The following RALA variants were observed in gnomAD, a reference collection of about 807,000 sequenced individuals.
RALA encodes ras-related protein Ral-A.
A neutral mutation model predicts 24.0 loss-of-function variants in RALA; 5 were observed. The observed-to-expected ratio is 0.21, with a 90% CI of 0.11 to 0.44. The LOEUF is 0.44. RALA is among the 20% of genes least tolerant of loss of function. The probability of loss-of-function intolerance (pLI) is 0.99; values close to 1 mark genes in which losing one functional copy is unlikely to be tolerated. For synonymous variants in RALA, 77 were observed against 83.8 expected, an observed-to-expected ratio of 0.92 and a Z score of 0.44; for missense variants, 95 against 241.2, an observed-to-expected ratio of 0.39 and a Z score of 4.01.
intron 1 of RALA, among the ~76,000 whole-genome samples, chr7:39,647,618 G>T (rs186086132): frequency 3.0e-4 from 46 of 152,112 alleles, no homozygotes; most frequent in Non-Finnish European, 5.4e-4. Flanking sequence ...ATCCTAGACC[G>T]CAAGGTGATG....
chr7:39,640,524 T>C (rs570133942), intron 1 of RALA, among the ~76,000 whole-genome samples: 1 of 152,334 alleles, frequency 6.6e-6, no homozygotes, highest in East Asian at 1.9e-4. Context: ...AGTTTGTTTA[T>C]TACAGATACA....
intron 2 of RALA, among the ~76,000 whole-genome samples, chr7:39,688,374 A>G (rs902452877): frequency 6.8e-6 from 1 of 146,946 alleles, no homozygotes. Context: ...AGCCTACACA[A>G]CAGAGCAAGA....
At chr7:39,663,447 T>C (rs574058967) in intron 1 of RALA, among the ~76,000 whole-genome samples, 1 of 152,162 alleles carries the variant, frequency 6.6e-6, no homozygotes, top group Non-Finnish European at 1.5e-5. Flanking sequence ...CTGTAAACTT[T>C]AAATAACACT....
At chr7:39,645,513 T>G (rs1791910432) in intron 1 of RALA, among the ~76,000 whole-genome samples, 1 of 152,228 alleles carries the variant, frequency 6.6e-6, no homozygotes, top group Admixed American at 6.5e-5. Context: ...TTATAGTTTG[T>G]TTTTCCTTTA....
intron 1 of RALA, among the ~76,000 whole-genome samples, chr7:39,646,458 CA>C (rs1004007576): frequency 6.6e-6 from 1 of 152,154 alleles, no homozygotes; most frequent in South Asian, 2.1e-4. Flanking sequence ...CCCATTTATA[CA>C]AAAAATTTTT....
chr7:39,657,695 G>A (rs1297457270), intron 1 of RALA, among the ~76,000 whole-genome samples: 1 of 152,080 alleles, frequency 6.6e-6, no homozygotes, highest in Non-Finnish European at 1.5e-5. Flanking sequence ...GCTGGGGCAG[G>A]AGGATTGCTT....
intron 1 of RALA, among the ~76,000 whole-genome samples, chr7:39,633,666 G>A (rs554342124): frequency 3.3e-5 from 5 of 152,222 alleles, no homozygotes; most frequent in Admixed American, 3.3e-4. Flanking sequence ...TTTATCCACT[G>A]GGGGGTAATC....
intron 3 of RALA, among the ~76,000 whole-genome samples, chr7:39,693,028 A>G (rs6968684): frequency 0.31 from 47,462 of 152,086 alleles, 8,202 homozygotes; most frequent in Non-Finnish European, 0.4. Context: ...TCAAGGATCT[A>G]GAATAGAAAT....
chr7:39,634,215 G>T (rs1162632601), intron 1 of RALA, among the ~76,000 whole-genome samples: 1 of 152,082 alleles, frequency 6.6e-6, no homozygotes, highest in Non-Finnish European at 1.5e-5. Flanking sequence ...TTGTCCCTAG[G>T]TTGAGGAGCC....
intron 4 of RALA, among the ~76,000 whole-genome samples, chr7:39,703,865 A>G (rs1301679552): frequency 6.6e-6 from 1 of 152,228 alleles, no homozygotes; most frequent in Non-Finnish European, 1.5e-5. Flanking sequence ...TGTCACAAAC[A>G]AACTACAAAA....
intron 1 of RALA, among the ~76,000 whole-genome samples, chr7:39,674,457 G>A (rs1431017974): frequency 6.6e-6 from 1 of 152,046 alleles, no homozygotes; most frequent in Non-Finnish European, 1.5e-5. Flanking sequence ...TTCTTTTAAT[G>A]TGCTAGATTC....
chr7:39,678,780 T>A (rs138502135), intron 1 of RALA, among the ~76,000 whole-genome samples: 46 of 152,362 alleles, frequency 3.0e-4, no homozygotes, highest in African/African-American at 1.1e-3. Flanking sequence ...CATAGTTAAT[T>A]GCAGTTTTGC....
chr7:39,639,828 T>C (rs1274745344), intron 1 of RALA, among the ~76,000 whole-genome samples: 1 of 152,056 alleles, frequency 6.6e-6, no homozygotes, highest in Non-Finnish European at 1.5e-5. Context: ...CAGGATGCCC[T>C]CATGCACACA....
intron 1 of RALA, among the ~76,000 whole-genome samples, chr7:39,659,471 T>C (rs1792148967): frequency 6.6e-6 from 1 of 152,172 alleles, no homozygotes. Context: ...ACTTTTCAGA[T>C]ACACTTTTAT....
intron 1 of RALA, among the ~76,000 whole-genome samples, chr7:39,635,892 G>A (rs920810661): frequency 6.6e-6 from 1 of 152,176 alleles, no homozygotes; most frequent in African/African-American, 2.4e-5. Context: ...TGGCCCAGGG[G>A]TTGGGGAGCC....
chr7:39,696,879 T>G lies in RALA; in HGVS notation c.498+20T>G. On this transcript the variant is annotated intron_variant, in intron 4 of 4. Coordinates refer to ENST00000005257, the MANE Select transcript of RALA (RefSeq NM_005402.4). ...GACAAGGTAACACGTGACTCTTTACTACTGCATCATGTTAAAATAGGTTGG... is the reference window on the plus strand; with the variant it reads ...GACAAGGTAACACGTGACTCTTTACGACTGCATCATGTTAAAATAGGTTGG... 1 of 1,591,426 alleles carries G rather than the reference T, an allele frequency of 6.3e-7. No individual in the cohort carries two copies. The highest frequency in any genetic ancestry group is 8.5e-7 in the Non-Finnish European group (1 of 1,170,378).
At chr7:39,694,427 G>A (rs1792881840) in intron 3 of RALA, among the ~76,000 whole-genome samples, 1 of 152,160 alleles carries the variant, frequency 6.6e-6, no homozygotes, top group South Asian at 2.1e-4. Flanking sequence ...CAAGTTCATT[G>A]TGTGCTCTGG....
At chr7:39,642,619 T>G (rs187425604) in intron 1 of RALA, among the ~76,000 whole-genome samples, 1 of 152,332 alleles carries the variant, frequency 6.6e-6, no homozygotes, top group Admixed American at 6.5e-5. Context: ...TATTAGCCAT[T>G]CGTAAACCCC....
At chr7:39,647,227 GAC>G (rs1791941880) in intron 1 of RALA, among the ~76,000 whole-genome samples, 1 of 152,128 alleles carries the variant, frequency 6.6e-6, no homozygotes, top group Non-Finnish European at 1.5e-5. Context: ...ATTTTTTGTA[GAC>G]ACAGAGTTTT....
Sources: allele counts gnomAD v4.1 joint callset (sites outside exome capture counted in the v4.1 genomes callset), GRCh38; gene constraint gnomAD v4.1.1; transcripts MANE v1.5; gene names NCBI Gene and HGNC (gene_info 2026-07-23, HGNC 2026-07-21).